The following HNF1B variants were observed in gnomAD, a reference collection of about 807,000 sequenced individuals.
HNF1B encodes the protein hepatocyte nuclear factor 1-beta.
In HNF1B, 8 loss-of-function variants were observed where a neutral mutation model predicts 61.7. That is an observed-to-expected ratio of 0.13 (90% CI 0.08 to 0.23). The LOEUF is 0.23. Among genes scored for constraint, HNF1B ranks in the 10% least tolerant of loss-of-function variants. The pLI is 1.00. For synonymous variants in HNF1B, 314 were observed against 287.7 expected, an observed-to-expected ratio of 1.09 and a Z score of -0.93; for missense variants, 562 against 714.5, an observed-to-expected ratio of 0.79 and a Z score of 2.43.
chr17:37,688,289 G>T (rs539934508), intron 8 of HNF1B, among the ~76,000 whole-genome samples: 1 of 151,564 alleles, frequency 6.6e-6, no homozygotes, highest in Non-Finnish European at 1.5e-5. Context: ...GTCTCTTTTT[G>T]TCTCCCTGTG....
intron 4 of HNF1B, among the ~76,000 whole-genome samples, chr17:37,727,138 C>A (rs2033526052): frequency 6.6e-6 from 1 of 152,236 alleles, no homozygotes; most frequent in African/African-American, 2.4e-5. Flanking sequence ...TCAATACAAG[C>A]ACCAGGCTCC....
At chr17:37,741,457 C>CA (rs2033989689) in intron 1 of HNF1B, among the ~76,000 whole-genome samples, 3 of 151,950 alleles carry the variant, frequency 2.0e-5, no homozygotes, top group South Asian at 2.1e-4. Flanking sequence ...ACAAGAAGAA[C>CA]AAAAAATGAG....
intron 4 of HNF1B, among the ~76,000 whole-genome samples, chr17:37,711,304 C>T (rs867078449): frequency 3.9e-5 from 6 of 152,304 alleles, no homozygotes; most frequent in Admixed American, 1.3e-4. Flanking sequence ...AACTCACATT[C>T]CTTTGCTGGG....
chr17:37,715,258 C>T lies in HNF1B; in HGVS notation c.1046-4595G>A, dbSNP rs148120675. Among the ~76,000 whole-genome samples the T allele has an allele frequency of 6.5e-4, 99 of 152,294 alleles. No individual in the cohort carries two copies. In the East Asian group the frequency reaches 0.017, roughly 26 times the overall value. On this transcript the variant is annotated intron_variant, in intron 4 of 8. Transcript: ENST00000617811. ...TCTTAAAGAAAGAGATGAGTCTTTA[C>T]TTGTTGCATCCTTATAGCCTAGCAG... is the stretch of plus-strand genomic sequence containing the variant.
intron 1 of HNF1B, among the ~76,000 whole-genome samples, chr17:37,740,975 C>T (rs1350244508): frequency 6.6e-6 from 1 of 151,938 alleles, no homozygotes; most frequent in Non-Finnish European, 1.5e-5. Context: ...AACAAAAGTA[C>T]TAAAGAAGCA....
In HNF1B at chr17:37,728,330, G is replaced by A. The variant is rs187579460; in HGVS notation, c.1045+3265C>T. 3.6e-3 allele frequency among the ~76,000 whole-genome samples: 530 copies of A among 147,170 alleles called. 3 individuals are homozygous for A. Among genetic ancestry groups the A allele is most frequent in the African/African-American group, 0.013 (498 of 39,826 alleles). ...AGAGCGTTTTTTTTTTTTTTGAGACGGAGTCTCGCTCTGTCACCCAGGCTA... is the reference window on the plus strand; with the variant it reads ...AGAGCGTTTTTTTTTTTTTTGAGACAGAGTCTCGCTCTGTCACCCAGGCTA... On this transcript the variant is annotated intron_variant, in intron 4 of 8. Transcript: ENST00000617811.
At chr17:37,718,684 T>A (rs1568652912) in intron 4 of HNF1B, among the ~76,000 whole-genome samples, 1 of 152,246 alleles carries the variant, frequency 6.6e-6, no homozygotes, top group Non-Finnish European at 1.5e-5. Context: ...GCAGGTTTGT[T>A]TACTTGTTCC....
chr17:37,736,610 C>T (rs150239838), intron 2 of HNF1B, among the ~76,000 whole-genome samples: 335 of 152,288 alleles, frequency 2.2e-3, no homozygotes, highest in African/African-American at 6.2e-3. Context: ...CCACGTACCC[C>T]GCAAACGCTT....
chr17:37,743,085 G>A (rs867031833), intron 1 of HNF1B, among the ~76,000 whole-genome samples: 30 of 152,170 alleles, frequency 2.0e-4, no homozygotes, highest in African/African-American at 7.0e-4. Context: ...CGGCCAGCCC[G>A]GCGCGGGGCT....
chr17:37,691,494 G>T (rs146815860), intron 8 of HNF1B, among the ~76,000 whole-genome samples: 27 of 152,210 alleles, frequency 1.8e-4, no homozygotes, highest in Middle Eastern at 3.4e-3. Flanking sequence ...CCTTTGCCAC[G>T]TAAGACCCTT....
At chr17:37,707,606 T>C (rs1042405375) in intron 5 of HNF1B, among the ~76,000 whole-genome samples, 1 of 152,146 alleles carries the variant, frequency 6.6e-6, no homozygotes, top group Non-Finnish European at 1.5e-5. Flanking sequence ...CCCTATTTCA[T>C]AGAGAAGGAT....
Position 37,686,899 on chromosome 17 carries a change from T to A in HNF1B, c.*473A>T. On this transcript the variant is annotated 3_prime_UTR_variant, in exon 9 of 9. Coordinates refer to ENST00000617811, the MANE Select transcript of HNF1B (RefSeq NM_000458.4). ...ATAGTTTACAGCCATTGGACAAATT[T>A]ACTTCTTTAAAAGAAATCTCAAGAT... 3.1e-6 allele frequency: 1 copy of A among 317,922 alleles called. No individual in the cohort carries two copies. The highest frequency in any genetic ancestry group is 3.2e-5 in the South Asian group (1 of 31,598). The allele number at this position is 317,922 out of a possible 1,614,324, so 19.7% of individuals were successfully genotyped here.
At position 37,737,831 on chromosome 17, in the gene HNF1B, T is replaced by G. The variant is rs548673352; in HGVS notation, c.544+1609A>C. Among the ~76,000 whole-genome samples, 4 of 152,060 alleles carry G rather than the reference T, an allele frequency of 2.6e-5. No individual in the cohort carries two copies. In the South Asian group the frequency reaches 8.3e-4, roughly 32 times the overall value. ...GTCTGGGTGGCAGAGCGAGACCCCG[T>G]CTCAAAAAGTTAAATAAATAAATAA... On this transcript the variant is annotated intron_variant, in intron 2 of 8. Coordinates refer to ENST00000617811, the MANE Select transcript of HNF1B (RefSeq NM_000458.4).
intron 5 of HNF1B, among the ~76,000 whole-genome samples, chr17:37,709,219 A>C (rs934987217): frequency 3.3e-5 from 5 of 152,144 alleles, no homozygotes; most frequent in African/African-American, 1.2e-4. Flanking sequence ...CCTAATCCTA[A>C]TTAGAACCTA....
intron 5 of HNF1B, among the ~76,000 whole-genome samples, chr17:37,709,398 T>A (rs553878085): frequency 9.2e-5 from 14 of 152,024 alleles, no homozygotes; most frequent in African/African-American, 3.1e-4. Flanking sequence ...TACAGGTGCA[T>A]GCCACCATTC....
intron 7 of HNF1B, 30 bp from the exon 8 acceptor site, chr17:37,699,224 G>T (rs1296703118): frequency 5.8e-6 from 9 of 1,554,276 alleles, no homozygotes; most frequent in Non-Finnish European, 8.0e-6. Context: ...ACAGAATCAA[G>T]GTGCATACAC....
intron 8 of HNF1B, among the ~76,000 whole-genome samples, chr17:37,695,829 T>C (rs575062301): frequency 1.3e-5 from 2 of 152,310 alleles, no homozygotes; most frequent in East Asian, 1.9e-4. Context: ...AGTAAGTATA[T>C]AGTTTTTTTA....
chr17:37,736,724 G>A (rs568358306), intron 2 of HNF1B, among the ~76,000 whole-genome samples: 4 of 152,228 alleles, frequency 2.6e-5, no homozygotes, highest in African/African-American at 9.6e-5. Flanking sequence ...GGCTGCCTCA[G>A]TCTCTCACCT....
chr17:37,718,121 TA>T (rs200266653), intron 4 of HNF1B, among the ~76,000 whole-genome samples: 1 of 149,200 alleles, frequency 6.7e-6, no homozygotes, highest in Non-Finnish European at 1.5e-5. Flanking sequence ...TTTTCTTATT[TA>T]AAAAAAAAAT....
Sources: gnomAD v4.1 joint callset for allele counts (sites outside exome capture counted in the v4.1 genomes callset) on GRCh38, gnomAD v4.1.1 for gene constraint, MANE v1.5 for transcripts, NCBI Gene and HGNC (gene_info 2026-07-23, HGNC 2026-07-21) for gene names.